Variants in HLCS observed in about 807,000 individuals in gnomAD.
HLCS encodes biotin--protein ligase.
HLCS carries 53 observed loss-of-function variants against 75.0 expected under a neutral mutation model. The ratio of observed to expected loss-of-function variants is 0.71; its 90% CI spans 0.57 to 0.89. The LOEUF (loss-of-function observed/expected upper bound fraction) is 0.89, where lower values mean the gene tolerates loss of function less well. Among genes scored for constraint, HLCS ranks in the 40% least tolerant of loss-of-function variants. HLCS has a pLI of 0.00. For synonymous variants in HLCS, 431 were observed against 428.6 expected, an observed-to-expected ratio of 1.01 and a Z score of -0.07; for missense variants, 966 against 1,074.0, an observed-to-expected ratio of 0.90 and a Z score of 1.41.
chr21:36,753,997 G>A lies in HLCS; in HGVS notation c.*249C>T, dbSNP rs2089457458. ...ACGTAAGTCCAAGCCACAGAGGGGA[G>A]AGCAATTTCCCACCTGTGGGAGGGC... On this transcript the variant is annotated 3_prime_UTR_variant, in exon 11 of 11. Transcript: ENST00000674895. The surrounding 1 kb of genome is among the most constrained non-coding windows in gnomAD (Gnocchi z 4.3). 1 of 564,814 alleles carries A rather than the reference G, an allele frequency of 1.8e-6. No individual in the cohort carries two copies. The highest frequency in any genetic ancestry group is 3.1e-5 in the Admixed American group (1 of 32,662). The allele number at this position is 564,814 out of a possible 1,614,324, so 35.0% of individuals were successfully genotyped here. A position where few individuals can be genotyped will look rare whatever the true frequency, so the allele number is the denominator to read the frequency against.
chr21:36,790,277 A>G (rs1176890549), intron 6 of HLCS, among the ~76,000 whole-genome samples: 2 of 152,008 alleles, frequency 1.3e-5, no homozygotes, highest in African/African-American at 4.8e-5. Flanking sequence ...GGTGGGGTGC[A>G]CCTGTAATCC....
At chr21:36,812,718 G>GA (rs1368247053) in intron 6 of HLCS, among the ~76,000 whole-genome samples, 1 of 151,944 alleles carries the variant, frequency 6.6e-6, no homozygotes, top group African/African-American at 2.4e-5. Flanking sequence ...AAAAATAGAG[G>GA]AAAAAAATAC....
chr21:36,872,650 T>C (rs1236875066), intron 6 of HLCS, among the ~76,000 whole-genome samples: 1 of 152,252 alleles, frequency 6.6e-6, no homozygotes, highest in Admixed American at 6.5e-5. Context: ...CATAATGTTT[T>C]TGAGATTCGT....
At chr21:36,901,558 C>A (rs1249969258) in intron 5 of HLCS, among the ~76,000 whole-genome samples, 1 of 152,210 alleles carries the variant, frequency 6.6e-6, no homozygotes, top group African/African-American at 2.4e-5. Context: ...GGCCGTGCCT[C>A]CTGGGAAGGC....
upstream of HLCS, among the ~76,000 whole-genome samples, chr21:36,971,187 T>C (rs956474207): frequency 6.6e-5 from 10 of 152,294 alleles, no homozygotes; most frequent in Admixed American, 4.6e-4. Context: ...TCTTTAACTA[T>C]TGGAAATATG....
At chr21:36,831,221 T>C (rs1314765730) in intron 6 of HLCS, among the ~76,000 whole-genome samples, 1 of 152,234 alleles carries the variant, frequency 6.6e-6, no homozygotes, top group Non-Finnish European at 1.5e-5. Context: ...TGTAGGGTTC[T>C]CCTGATTACA....
chr21:36,825,132 A>G (rs2061966280), intron 6 of HLCS, among the ~76,000 whole-genome samples: 1 of 152,222 alleles, frequency 6.6e-6, no homozygotes, highest in South Asian at 2.1e-4. Context: ...ATCACACCCT[A>G]GAACTTTGGG....
chr21:36,760,331 C>A (rs115105057), intron 8 of HLCS, among the ~76,000 whole-genome samples: 231 of 152,252 alleles, frequency 1.5e-3, no homozygotes, highest in Middle Eastern at 0.01. Flanking sequence ...CAGGCAGTGG[C>A]CAGGCGCGCT....
rs368743397 is a variant in HLCS, at chr21:36,754,404, G to A, written c.2464C>T (p.His822Tyr). The A allele has an allele frequency of 1.9e-6, 3 of 1,612,720 alleles. No homozygotes were observed. Among genetic ancestry groups the A allele is most frequent in the South Asian group, 1.1e-5 (1 of 90,972 alleles). The change falls in exon 11 of 11, where the codon CAT becomes TAT. Residue 822 changes from histidine (H) to tyrosine (Y), a missense_variant. Physicochemically the swap from His to Tyr is moderately conservative, Grantham distance 83. Coordinates refer to ENST00000674895, the MANE Select transcript of HLCS (RefSeq NM_001352514.2). The stretch of plus-strand genomic sequence containing the variant: ...TTTGGTCCCTCTGCGCTGCCCAGAT[G>A]GACTTGCTGACCACTGAAAAGGAAG... ...RYWVHSGQQV[H>Y]LGSAEGPKVS...
chr21:36,844,849 T>C (rs769754176), intron 6 of HLCS, among the ~76,000 whole-genome samples: 38 of 152,332 alleles, frequency 2.5e-4, no homozygotes, highest in Non-Finnish European at 4.7e-4. Flanking sequence ...CATTCGGTGC[T>C]CCCTAATTAC....
chr21:36,929,003 G>C (rs2066520782), intron 5 of HLCS, among the ~76,000 whole-genome samples: 1 of 152,196 alleles, frequency 6.6e-6, no homozygotes, highest in African/African-American at 2.4e-5. Context: ...TCTGTTGTGT[G>C]CTTGAATATA....
intron 6 of HLCS, among the ~76,000 whole-genome samples, chr21:36,772,085 A>G (rs1158862672): frequency 6.6e-6 from 1 of 152,180 alleles, no homozygotes; most frequent in Non-Finnish European, 1.5e-5. Flanking sequence ...AAATATAGAA[A>G]AATATTAAGT....
At chr21:36,767,540 G>A (rs1306118948) in intron 6 of HLCS, among the ~76,000 whole-genome samples, 1 of 152,162 alleles carries the variant, frequency 6.6e-6, no homozygotes, top group African/African-American at 2.4e-5. Context: ...GGGGGCGTGT[G>A]TACCTGCCTG....
intron 5 of HLCS, among the ~76,000 whole-genome samples, chr21:36,925,115 G>C (rs150283763): frequency 1.3e-3 from 192 of 152,158 alleles, no homozygotes; most frequent in Non-Finnish European, 2.4e-3. Flanking sequence ...TAAAAATTTG[G>C]GGTTAAATCA....
intron 6 of HLCS, among the ~76,000 whole-genome samples, chr21:36,811,386 C>A (rs2061505355): frequency 6.6e-6 from 1 of 152,184 alleles, no homozygotes; most frequent in African/African-American, 2.4e-5. Flanking sequence ...AGAAACTGAT[C>A]TTCAAAAACT....
chr21:36,808,043 C>G (rs1429062654), intron 6 of HLCS, among the ~76,000 whole-genome samples: 2 of 44,336 alleles, frequency 4.5e-5, no homozygotes, highest in Non-Finnish European at 8.2e-5. Flanking sequence ...TGTAGAAAAT[C>G]TAGAAAATAA....
At chr21:36,870,893 C>A (rs999162720) in intron 6 of HLCS, among the ~76,000 whole-genome samples, 1 of 152,174 alleles carries the variant, frequency 6.6e-6, no homozygotes, top group Non-Finnish European at 1.5e-5. Context: ...AGCACCTACA[C>A]CCCAGCCCTG....
rs1010233753 is a variant in HLCS, at chr21:36,751,512, C to G, written c.*2734G>C. 2.6e-5 allele frequency: 4 copies of G among 152,184 alleles called. No homozygotes were observed. Among genetic ancestry groups the G allele is most frequent in the Admixed American group, 1.3e-4 (2 of 15,284 alleles). The allele number at this position is 152,184 out of a possible 1,614,324, so 9.4% of individuals were successfully genotyped here. ...TGTATATGCTGTGCCTTGGGGGACCCCCAGAGGCTGCGCTCTGTGGCCTGT... is the reference window on the plus strand; with the variant it reads ...TGTATATGCTGTGCCTTGGGGGACCGCCAGAGGCTGCGCTCTGTGGCCTGT... On this transcript the variant is annotated 3_prime_UTR_variant, in exon 11 of 11. Transcript: ENST00000674895.
At position 36,989,803 on chromosome 21, in the gene HLCS, C is replaced by T. The variant is rs185485494; in HGVS notation, c.-393+355G>A. Among the ~76,000 whole-genome samples, 1,279 of 152,232 alleles carry T rather than the reference C, an allele frequency of 8.4e-3. 14 individuals carry two copies. Among genetic ancestry groups the T allele is most frequent in the African/African-American group, 0.028 (1,182 of 41,562 alleles). On this transcript the variant is annotated intron_variant, in intron 1 of 11. Transcript: ENST00000336648. ...TGGGCGCGGGGCACGCGGCCAGGGG[C>T]CCGTGGGAGGGGGACAGGGCGCGCG...
Sources: allele counts gnomAD v4.1 joint callset (sites outside exome capture counted in the v4.1 genomes callset), GRCh38; gene constraint gnomAD v4.1.1; non-coding constraint Gnocchi (gnomAD v3.1); transcripts MANE v1.5; gene names NCBI Gene and HGNC (gene_info 2026-07-23, HGNC 2026-07-21).